Variants in CPPED1 observed in about 807,000 individuals in gnomAD.
CPPED1 encodes calcineurin like phosphoesterase domain containing 1.
Under a neutral mutation model 28.0 loss-of-function variants are expected in CPPED1, and 28 were observed. The observed-to-expected ratio is 1.00, with a 90% confidence interval of 0.74 to 1.37. The LOEUF (loss-of-function observed/expected upper bound fraction) is 1.37, where lower values mean the gene tolerates loss of function less well. CPPED1 is among the 40% of genes most tolerant of loss of function. The pLI, the probability that CPPED1 is intolerant of heterozygous loss-of-function variation, is 0.00. For synonymous variants in CPPED1, 198 were observed against 180.2 expected (o/e 1.10, Z -0.79); for missense variants, 504 against 416.5 (o/e 1.21, Z -1.83).
At chr16:12,702,238 A>T (rs964686611) in intron 3 of CPPED1, among the ~76,000 whole-genome samples, 1 of 152,052 alleles carries the variant, frequency 6.6e-6, no homozygotes, top group African/African-American at 2.4e-5. Context: ...TGGGTGGTCA[A>T]CAGGCTTCTC....
At chr16:12,668,750 T>C (rs1362485849) in intron 3 of CPPED1, among the ~76,000 whole-genome samples, 1 of 152,252 alleles carries the variant, frequency 6.6e-6, no homozygotes, top group African/African-American at 2.4e-5. Flanking sequence ...ATCATTTATC[T>C]TTAGGGAAAT....
chr16:12,715,911 C>T (rs2080104857), intron 2 of CPPED1, among the ~76,000 whole-genome samples: 1 of 152,116 alleles, frequency 6.6e-6, no homozygotes, highest in South Asian at 2.1e-4. Flanking sequence ...TTATGTGTGG[C>T]CCAAGACAAT....
At chr16:12,784,926 A>G (rs775233800) in intron 1 of CPPED1, among the ~76,000 whole-genome samples, 7 of 152,024 alleles carry the variant, frequency 4.6e-5, no homozygotes, top group Non-Finnish European at 1.0e-4. Context: ...TAGAATCTCA[A>G]TTTTATGTGA....
chr16:12,796,774 G>A (rs2080630228), intron 1 of CPPED1, among the ~76,000 whole-genome samples: 1 of 152,120 alleles, frequency 6.6e-6, no homozygotes, highest in South Asian at 2.1e-4. Flanking sequence ...ATGTGTCTGT[G>A]ACTGTTCATA....
intron 2 of CPPED1, among the ~76,000 whole-genome samples, chr16:12,715,591 T>C (rs960591973): frequency 5.9e-5 from 9 of 152,036 alleles, no homozygotes; most frequent in African/African-American, 2.2e-4. Flanking sequence ...ACTGGGGAGG[T>C]GGAGGTTGCA....
chr16:12,736,247 ATTT>A (rs35834753), intron 2 of CPPED1, among the ~76,000 whole-genome samples: 1 of 142,190 alleles, frequency 7.0e-6, no homozygotes. Context: ...ACACCTTTGG[ATTT>A]TTTTTTTTTT....
Position 12,748,580 on chromosome 16 carries a change from G to A in CPPED1, c.289+32605C>T, listed in dbSNP as rs922614660. 2.6e-5 allele frequency among the ~76,000 whole-genome samples: 4 copies of A among 152,244 alleles called. No homozygotes were observed. In the South Asian group the frequency reaches 8.3e-4, roughly 32 times the overall value. On this transcript the variant is annotated intron_variant, in intron 2 of 3. Coordinates refer to ENST00000381774, the MANE Select transcript of CPPED1 (RefSeq NM_018340.3). ...ATAAAAGTTATATTTACACTCCGCT[G>A]TAGTCTATTAAGTATGCAAGACTGG...
intron 2 of CPPED1, among the ~76,000 whole-genome samples, chr16:12,739,423 T>C (rs553755758): frequency 6.4e-4 from 97 of 152,018 alleles, no homozygotes; most frequent in African/African-American, 2.2e-3. Context: ...CTACTAAAAA[T>C]ACAAAATATT....
chr16:12,776,659 G>T (rs547448334), intron 2 of CPPED1, among the ~76,000 whole-genome samples: 1 of 152,118 alleles, frequency 6.6e-6, no homozygotes, highest in Non-Finnish European at 1.5e-5. Context: ...GGTGGCTCAC[G>T]CCTGTAATCA....
intron 2 of CPPED1, among the ~76,000 whole-genome samples, chr16:12,735,509 T>G (rs1165710996): frequency 6.6e-6 from 1 of 152,248 alleles, no homozygotes; most frequent in African/African-American, 2.4e-5. Context: ...TTCACCATGT[T>G]GGCCAGGCTG....
intron 2 of CPPED1, among the ~76,000 whole-genome samples, chr16:12,756,454 T>C (rs953945900): frequency 6.6e-6 from 1 of 151,984 alleles, no homozygotes; most frequent in African/African-American, 2.4e-5. Context: ...CAGCATTCTG[T>C]GAGGCTGAGG....
At chr16:12,665,487 T>C (rs1399021043) in intron 3 of CPPED1, among the ~76,000 whole-genome samples, 4 of 152,140 alleles carry the variant, frequency 2.6e-5, no homozygotes, top group African/African-American at 9.7e-5. Flanking sequence ...ACAAAAGTTA[T>C]GTATTTTAAA....
At position 12,671,501 on chromosome 16, in the gene CPPED1, G is replaced by A. The variant is rs188390675; in HGVS notation, c.716-6386C>T. 7.2e-5 allele frequency among the ~76,000 whole-genome samples: 11 copies of A among 152,294 alleles called. No individual in the cohort carries two copies. In the East Asian group the frequency reaches 2.1e-3, roughly 29 times the overall value. Reference sequence around the variant, plus strand: ...CTGCTTCTGGTGAGTGGGGTTCTGGGAGGCTGTAAAGAGAGCTCTTGGGAC... The same window carrying A: ...CTGCTTCTGGTGAGTGGGGTTCTGGAAGGCTGTAAAGAGAGCTCTTGGGAC... On this transcript the variant is annotated intron_variant, in intron 3 of 3. Transcript: ENST00000381774.
At chr16:12,712,005 GC>G (rs2080082683) in intron 2 of CPPED1, among the ~76,000 whole-genome samples, 1 of 152,084 alleles carries the variant, frequency 6.6e-6, no homozygotes, top group Non-Finnish European at 1.5e-5. Flanking sequence ...AGGGAGCTTA[GC>G]CCCCAGTGCC....
chr16:12,710,194 A>G (rs2080072988), intron 2 of CPPED1, among the ~76,000 whole-genome samples: 1 of 152,230 alleles, frequency 6.6e-6, no homozygotes. Context: ...TATAAAAATC[A>G]ACAGTATTTC....
chr16:12,695,451 C>T (rs567152003), intron 3 of CPPED1, among the ~76,000 whole-genome samples: 6 of 151,808 alleles, frequency 4.0e-5, no homozygotes, highest in East Asian at 1.9e-4. Context: ...AAATCCTTTT[C>T]GCAAAGACAG....
chr16:12,766,903 T>C (rs534148952), intron 2 of CPPED1, among the ~76,000 whole-genome samples: 16 of 152,230 alleles, frequency 1.1e-4, no homozygotes, highest in African/African-American at 3.9e-4. Flanking sequence ...GCCTCTACAA[T>C]CATGGTCTGC....
chr16:12,680,978 G>A (rs2079901711), intron 3 of CPPED1, among the ~76,000 whole-genome samples: 1 of 152,092 alleles, frequency 6.6e-6, no homozygotes, highest in African/African-American at 2.4e-5. Context: ...GCCTCCTCTT[G>A]AGATTCTCTT....
chr16:12,719,923 C>G (rs540733697), intron 2 of CPPED1, among the ~76,000 whole-genome samples: 1 of 151,102 alleles, frequency 6.6e-6, no homozygotes, highest in African/African-American at 2.4e-5. Context: ...GCGACAAGAG[C>G]AAAACTCCAT....
Sources: allele counts gnomAD v4.1 joint callset (sites outside exome capture counted in the v4.1 genomes callset), GRCh38; gene constraint gnomAD v4.1.1; transcripts MANE v1.5; gene names NCBI Gene and HGNC (gene_info 2026-07-23, HGNC 2026-07-21).